Variants in IGFBP7 observed in about 807,000 individuals in gnomAD.
The protein encoded by IGFBP7 is insulin like growth factor binding protein 7.
In IGFBP7, 31 loss-of-function variants were observed where a neutral mutation model predicts 29.4. The observed-to-expected ratio is 1.05, with a 90% CI of 0.79 to 1.42. IGFBP7 has a LOEUF of 1.42. Among genes scored for constraint, IGFBP7 ranks in the 40% most tolerant of loss-of-function variants. IGFBP7 has a pLI of 0.00. For missense variants in IGFBP7, 393 were observed against 395.5 expected, an observed-to-expected ratio of 0.99 and a Z score of 0.05; for synonymous variants, 172 against 174.9, an observed-to-expected ratio of 0.98 and a Z score of 0.13.
chr4:57,041,198 A>T lies in IGFBP7; in HGVS notation c.476-265T>A, dbSNP rs1002801795. On this transcript the variant is annotated intron_variant, in intron 1 of 4. Coordinates refer to ENST00000295666, the MANE Select transcript of IGFBP7 (RefSeq NM_001553.3). ...TTTCTTCTTCCCCAGACCATGCTTAAATGAGTGCTAATTTACCAGCTGTTT... is the reference window on the plus strand; with the variant it reads ...TTTCTTCTTCCCCAGACCATGCTTATATGAGTGCTAATTTACCAGCTGTTT... 3.9e-5 allele frequency among the ~76,000 whole-genome samples: 6 copies of T among 152,330 alleles called. No individual in the cohort carries two copies. In the South Asian group the frequency reaches 1.2e-3, roughly 32 times the overall value.
rs557358936 is a variant in IGFBP7, at chr4:57,067,305, A to G, written c.476-26372T>C. On this transcript the variant is annotated intron_variant, in intron 1 of 4. Transcript: ENST00000295666. ...TAACTGTGAGCCTCTATAACCTTAA[A>G]CAGTGCATGGAAGACACAAGGGATT... Among the ~76,000 whole-genome samples, 19 of 152,266 alleles carry G rather than the reference A, an allele frequency of 1.2e-4. No homozygotes were observed. In the South Asian group the frequency reaches 3.9e-3, roughly 32 times the overall value.
intron 1 of IGFBP7, among the ~76,000 whole-genome samples, chr4:57,042,144 C>T (rs918135950): frequency 6.6e-6 from 1 of 152,156 alleles, no homozygotes; most frequent in Non-Finnish European, 1.5e-5. Flanking sequence ...ACACACCCCC[C>T]ACCTTCTGTA....
chr4:57,040,449 C>T (rs377592992), intron 2 of IGFBP7, among the ~76,000 whole-genome samples: 4 of 152,238 alleles, frequency 2.6e-5, no homozygotes, highest in South Asian at 2.1e-4. Context: ...AAGAGAGAAA[C>T]GTACGCTTTT....
At chr4:57,071,744 G>A (rs1725057537) in intron 1 of IGFBP7, among the ~76,000 whole-genome samples, 1 of 152,156 alleles carries the variant, frequency 6.6e-6, no homozygotes, top group African/African-American at 2.4e-5. Context: ...GGTTTCATAT[G>A]GGCTGTCAAA....
chr4:57,073,202 T>C lies in IGFBP7; in HGVS notation c.476-32269A>G, dbSNP rs369218494. ...CTTAGATGGTCTGTCCTTTCTGTGA[T>C]TTTTGTATAGCACTCTGTATCTTGA... On this transcript the variant is annotated intron_variant, in intron 1 of 4. Transcript: ENST00000295666. The C allele has an allele frequency of 1.3e-4, 138 of 1,072,148 alleles. 1 individual carries two copies. In the African/African-American group the frequency reaches 1.9e-3, roughly 15 times the overall value. The allele number at this position is 1,072,148 out of a possible 1,614,324, so 66.4% of individuals were successfully genotyped here. A position where few individuals can be genotyped will look rare whatever the true frequency, so the allele number is the denominator to read the frequency against.
chr4:57,108,959 C>A (rs1726102964), intron 1 of IGFBP7, among the ~76,000 whole-genome samples: 1 of 151,998 alleles, frequency 6.6e-6, no homozygotes, highest in South Asian at 2.1e-4. Flanking sequence ...ACAAATTATG[C>A]AAAACAATAC....
chr4:57,071,325 A>G (rs1725048386), intron 1 of IGFBP7, among the ~76,000 whole-genome samples: 1 of 152,232 alleles, frequency 6.6e-6, no homozygotes, highest in Non-Finnish European at 1.5e-5. Context: ...CATCTCAGCA[A>G]GTCAGAGAGG....
intron 1 of IGFBP7, among the ~76,000 whole-genome samples, chr4:57,074,575 C>A (rs562893236): frequency 3.2e-4 from 49 of 152,322 alleles, no homozygotes; most frequent in African/African-American, 1.2e-3. Context: ...GCTTACGTCA[C>A]TTTTGCCCAG....
intron 1 of IGFBP7, chr4:57,072,957 G>A (rs1445074350): frequency 2.5e-6 from 2 of 806,332 alleles, no homozygotes; most frequent in African/African-American, 1.7e-5. Context: ...AAGGACAAGT[G>A]GTCTGCCCTG....
chr4:57,044,851 C>G (rs78619511), intron 1 of IGFBP7, among the ~76,000 whole-genome samples: 2 of 152,188 alleles, frequency 1.3e-5, no homozygotes, highest in Non-Finnish European at 2.9e-5. Flanking sequence ...AAGCAGAACA[C>G]TCTAGGACAA....
chr4:57,039,365 C>A (rs761203291), intron 2 of IGFBP7, among the ~76,000 whole-genome samples: 4 of 152,122 alleles, frequency 2.6e-5, no homozygotes, highest in Non-Finnish European at 5.9e-5. Context: ...AGAGTTGAGG[C>A]TAACAGCAGT....
rs963303993 is a variant in IGFBP7 at position 57,069,848 on chromosome 4, C to T, written c.476-28915G>A. ...CTGCAATCCCAGCACTTTGGGAGGC[C>T]GAGGCAGGTGAATCACTTGAGGTCA... On this transcript the variant is annotated intron_variant, in intron 1 of 4. Coordinates refer to ENST00000295666, the MANE Select transcript of IGFBP7 (RefSeq NM_001553.3). Among the ~76,000 whole-genome samples, 20 of 152,136 alleles carry T rather than the reference C, an allele frequency of 1.3e-4. No individual in the cohort carries two copies. In the East Asian group the frequency reaches 3.1e-3, roughly 24 times the overall value.
Position 57,041,023 on chromosome 4 carries a change from T to C in IGFBP7, c.476-90A>G, listed in dbSNP as rs533004658. The C allele has an allele frequency of 8.3e-6, 7 of 842,490 alleles. No individual in the cohort carries two copies. The African/African-American group carries it at 8.3e-5, about 10-fold the overall frequency. The allele number at this position is 842,490 out of a possible 1,614,324, so 52.2% of individuals were successfully genotyped here. ...AGGGAGAAAATAATAATTTTGTTTATGAGGCCATCCCCTTGATGGATTATC... is the reference window on the plus strand; with the variant it reads ...AGGGAGAAAATAATAATTTTGTTTACGAGGCCATCCCCTTGATGGATTATC... On this transcript the variant is annotated intron_variant, in intron 1 of 4. Coordinates refer to ENST00000295666, the MANE Select transcript of IGFBP7 (RefSeq NM_001553.3).
At chr4:57,106,735 G>T (rs1046758333) in intron 1 of IGFBP7, among the ~76,000 whole-genome samples, 2 of 152,128 alleles carry the variant, frequency 1.3e-5, no homozygotes, top group Non-Finnish European at 2.9e-5. Flanking sequence ...AAAGAGCTCA[G>T]ATTTAAAAGA....
At chr4:57,090,694 C>A (rs1725617827) in intron 1 of IGFBP7, among the ~76,000 whole-genome samples, 3 of 151,950 alleles carry the variant, frequency 2.0e-5, no homozygotes, top group Middle Eastern at 6.8e-3. Flanking sequence ...CATACACACA[C>A]AAAAATAGCC....
chr4:57,041,678 G>A (rs1724229864), intron 1 of IGFBP7, among the ~76,000 whole-genome samples: 1 of 152,068 alleles, frequency 6.6e-6, no homozygotes, highest in Non-Finnish European at 1.5e-5. Flanking sequence ...TGGGACTATA[G>A]GCGTGCACCA....
chr4:57,104,331 C>T (rs1330411024), intron 1 of IGFBP7, among the ~76,000 whole-genome samples: 1 of 152,066 alleles, frequency 6.6e-6, no homozygotes. Context: ...ATCATTCTTC[C>T]ACTAAGTGAT....
At chr4:57,047,259 T>A (rs758148853) in intron 1 of IGFBP7, among the ~76,000 whole-genome samples, 41 of 152,284 alleles carry the variant, frequency 2.7e-4, no homozygotes, top group Non-Finnish European at 3.5e-4. Context: ...TAAAGGGCAG[T>A]TCCCCTGCAC....
At chr4:57,079,411 A>G (rs1277127309) in intron 1 of IGFBP7, among the ~76,000 whole-genome samples, 2 of 152,296 alleles carry the variant, frequency 1.3e-5, no homozygotes, top group East Asian at 1.9e-4. Flanking sequence ...ATGGGAAAAA[A>G]AAAAGAGCAG....
Sources: allele counts gnomAD v4.1 joint callset (sites outside exome capture counted in the v4.1 genomes callset), GRCh38; gene constraint gnomAD v4.1.1; transcripts MANE v1.5; gene names NCBI Gene and HGNC (gene_info 2026-07-23, HGNC 2026-07-21).